TGM1: variants seen among roughly 807,000 people sequenced by gnomAD.
TGM1 encodes protein-glutamine gamma-glutamyltransferase K.
A neutral mutation model predicts 88.7 loss-of-function variants in TGM1; 63 were observed. The ratio of observed to expected loss-of-function variants is 0.71; its 90% CI spans 0.58 to 0.88. The LOEUF (loss-of-function observed/expected upper bound fraction) is 0.88, where lower values mean the gene tolerates loss of function less well. TGM1 is among the 40% of genes least tolerant of loss of function. The probability of loss-of-function intolerance (pLI) is 0.00; values close to 1 mark genes in which losing one functional copy is unlikely to be tolerated. For synonymous variants in TGM1, 415 were observed against 431.1 expected, an observed-to-expected ratio of 0.96 and a Z score of 0.46; for missense variants, 996 against 1,118.0, an observed-to-expected ratio of 0.89 and a Z score of 1.56.
intron 14 of TGM1, 86 bp downstream of exon 14, chr14:24,254,062 CCAGA>C: frequency 6.5e-7 from 1 of 1,536,620 alleles, no homozygotes; most frequent in Non-Finnish European, 8.8e-7. Flanking sequence ...ACATACTTGT[CCAGA>C]CAGAGAGGGA....
Position 24,262,207 on chromosome 14 carries a change from C to T in TGM1, c.146G>A (p.Gly49Asp), listed in dbSNP as rs1169342293. Reference sequence around the variant, plus strand: ...TGCCGCATTTCGGCATGAACAGCAGCCACAGCAGCGAGCCCAGAAGGAACG... The same window carrying T: ...TGCCGCATTTCGGCATGAACAGCAGTCACAGCAGCGAGCCCAGAAGGAACG... Reference protein sequence around the residue: ...GGRSFWARCCGCCSCRNAADD... With the variant: ...GGRSFWARCCDCCSCRNAADD... Residue 49 changes from glycine to aspartate, a missense_variant, in exon 2 of 15, where the codon GGC becomes GAC. Gly to Asp is a moderately conservative substitution (Grantham distance 94). Transcript: ENST00000206765. 5.0e-6 allele frequency: 8 copies of T among 1,613,872 alleles called. No homozygotes were observed. Among genetic ancestry groups the T allele is most frequent in the Middle Eastern group, 3.3e-4 (2 of 6,062 alleles).
In TGM1 at chr14:24,259,763, CCCG is replaced by C; in HGVS notation, c.922_924del (p.Arg308del). Reference sequence around the variant, plus strand: ...TCTCCACGGCCTCCATATGGCATCCCCCGCCGGTCCAGGATGTATAAGCAGGCA... The same window carrying C: ...TCTCCACGGCCTCCATATGGCATCCCCCGGTCCAGGATGTATAAGCAGGCA... On this transcript the variant is annotated inframe_deletion, in exon 6 of 15. Coordinates refer to ENST00000206765, the MANE Select transcript of TGM1 (RefSeq NM_000359.3). This position sits in a 1 kb window ranked among gnomAD's most constrained non-coding sequence, Gnocchi z 5.7. 6.2e-7 allele frequency: 1 copy of C among 1,613,132 alleles called. No homozygotes were observed. The highest frequency in any genetic ancestry group is 1.3e-5 in the African/African-American group (1 of 74,992).
chr14:24,255,453 T>C lies in TGM1; in HGVS notation c.1556A>G (p.Glu519Gly), dbSNP rs897225631. 1.2e-6 allele frequency: 2 copies of C among 1,614,050 alleles called. No homozygotes were observed. Among genetic ancestry groups the C allele is most frequent in the Admixed American group, 1.7e-5 (1 of 60,006 alleles). ...DDGSFKIVYV[E>G]EKAIGTLIVT... ...AATGAGTGTGCCGATGGCCTTCTCC[T>C]CCACATAAACAATCTTGAAGCTGCC... The change falls in exon 11 of 15, where the codon GAG becomes GGG. Residue 519 changes from glutamate to glycine, a missense_variant. Glu to Gly is a moderately conservative substitution (Grantham distance 98). Transcript: ENST00000206765. The surrounding 1 kb of genome is among the most constrained non-coding windows in gnomAD (Gnocchi z 4.0).
In TGM1 at chr14:24,262,192, C is replaced by A. The variant is rs536915231; in HGVS notation, c.161G>T (p.Arg54Leu). 4 of 1,613,776 alleles carry A rather than the reference C, an allele frequency of 2.5e-6. No individual in the cohort carries two copies. In the African/African-American group the frequency reaches 5.3e-5, roughly 21 times the overall value. Reference protein sequence around the residue: ...WARCCGCCSCRNAADDDWGPE... With the variant: ...WARCCGCCSCLNAADDDWGPE... Reference sequence around the variant, plus strand: ...TCCCCAGTCGTCATCTGCCGCATTTCGGCATGAACAGCAGCCACAGCAGCG... The same window carrying A: ...TCCCCAGTCGTCATCTGCCGCATTTAGGCATGAACAGCAGCCACAGCAGCG... The change falls in exon 2 of 15, where the codon CGA becomes CTA. Residue 54 changes from arginine to leucine, a missense_variant. Coordinates refer to ENST00000206765, the MANE Select transcript of TGM1 (RefSeq NM_000359.3).
At chr14:24,262,461 A>G (rs2040822412) in intron 1 of TGM1, 107 bp from the exon 2 acceptor site, 2 of 1,219,490 alleles carry the variant, frequency 1.6e-6, no homozygotes, top group South Asian at 1.3e-5. Flanking sequence ...TGACCGAAAC[A>G]ATCCCACCTT....
intron 14 of TGM1, among the ~76,000 whole-genome samples, chr14:24,253,510 C>T (rs1212685359): frequency 2.0e-5 from 3 of 152,158 alleles, no homozygotes; most frequent in African/African-American, 4.8e-5. Context: ...CGGGGTCTCA[C>T]TCTGTCGCCC....
At chr14:24,261,286 C>G (rs1312799443) in intron 3 of TGM1, among the ~76,000 whole-genome samples, 8 of 151,976 alleles carry the variant, frequency 5.3e-5, no homozygotes, top group Admixed American at 5.2e-4. Flanking sequence ...GTCATGGGGA[C>G]AGAGGGACAG....
At chr14:24,260,396 C>T in intron 4 of TGM1, 54 bp downstream of exon 4, 1 of 1,612,260 alleles carries the variant, frequency 6.2e-7, no homozygotes, top group Non-Finnish European at 8.5e-7. Context: ...GGCAGGAAGC[C>T]CTTCCCTGTC....
intron 14 of TGM1, among the ~76,000 whole-genome samples, chr14:24,253,613 G>C (rs561649877): frequency 1.3e-5 from 2 of 152,042 alleles, no homozygotes; most frequent in South Asian, 4.2e-4. Context: ...CAAGTAGCTG[G>C]GACAACAGGC....
Position 24,255,918 on chromosome 14 carries a change from G to T in TGM1, c.1491+71C>A. The T allele has an allele frequency of 7.7e-7, 1 of 1,295,980 alleles. No individual in the cohort carries two copies. The highest frequency in any genetic ancestry group is 1.1e-6 in the Non-Finnish European group (1 of 914,120). 80.3% of individuals were successfully genotyped at this position (1,295,980 alleles called of 1,614,324 possible). On this transcript the variant is annotated intron_variant, in intron 10 of 14. Transcript: ENST00000206765. This position sits in a 1 kb window ranked among gnomAD's most constrained non-coding sequence, Gnocchi z 4.0. ...TTGCCCCGGGTCGCAGAGCTGGTCA[G>T]TCAGCGGTGAAGTTGGGACCAGAGA...
At chr14:24,258,139 G>A in intron 9 of TGM1, 146 bp downstream of exon 9, 1 of 627,244 alleles carries the variant, frequency 1.6e-6, no homozygotes. Context: ...CATCCACGTG[G>A]TGGTTCAGCT....
At chr14:24,256,110 C>G in intron 9 of TGM1, 33 bp from the exon 10 acceptor site, 1 of 1,531,164 alleles carries the variant, frequency 6.5e-7, no homozygotes, top group Non-Finnish European at 8.9e-7. Context: ...GGCAAGAGAT[C>G]TGAGAAGGCG....
Position 24,255,084 on chromosome 14 carries a change from G to T in TGM1, c.1815C>A (p.Ser605Arg), listed in dbSNP as rs1022267133. Reference sequence around the variant, plus strand: ...GGTGCAGTTTCACTGTGCGGCGGCTGCTGCTGTGATTGATCAGCATCACAG... The same window carrying T: ...GGTGCAGTTTCACTGTGCGGCGGCTTCTGCTGTGATTGATCAGCATCACAG... ...MVSVMLINHS[S>R]SRRTVKLHLY... is the part of the protein sequence containing the mutation. The change falls in exon 12 of 15, where the codon AGC becomes AGA. Residue 605 changes from serine to arginine, a missense_variant. By Grantham distance (110) the Ser-to-Arg change is moderately radical. Transcript: ENST00000206765. The surrounding 1 kb of genome is among the most constrained non-coding windows in gnomAD (Gnocchi z 4.0). 9.3e-6 allele frequency: 15 copies of T among 1,614,070 alleles called. No individual in the cohort carries two copies. Among genetic ancestry groups the T allele is most frequent in the Non-Finnish European group, 1.3e-5 (15 of 1,180,060 alleles).
chr14:24,249,576 AT>A, intron 14 of TGM1, 35 bp from the exon 15 acceptor site: 1 of 1,590,402 alleles, frequency 6.3e-7, no homozygotes, highest in Non-Finnish European at 8.6e-7. Context: ...GCCTGGAGTA[AT>A]TGGGGGTGGA....
rs764787488 is a variant in TGM1 at position 24,254,153 on chromosome 14, C to G, written c.2224G>C (p.Gly742Arg). The G allele has an allele frequency of 1.9e-6, 3 of 1,610,600 alleles. No homozygotes were observed. The highest frequency in any genetic ancestry group is 2.7e-5 in the African/African-American group (2 of 74,966). The change falls in exon 14 of 15, where the codon GGG (glycine) becomes CGG (arginine). Residue 742 changes from glycine to arginine, a missense_variant and splice_region_variant. Physicochemically the swap from Gly to Arg is moderately radical, Grantham distance 125. Coordinates refer to ENST00000206765, the MANE Select transcript of TGM1 (RefSeq NM_000359.3). ...GGTAGGGGGAGAGGCCAGACTCACC[C>G]AACGTTGAGGATCTTGGGCCTCTGT... is the stretch of plus-strand genomic sequence containing the variant. The part of the protein sequence containing the change: ...GLQRPKILNV[G>R]DIGGNETVTL...
intron 9 of TGM1, among the ~76,000 whole-genome samples, chr14:24,258,061 A>G (rs1400268041): frequency 6.6e-6 from 1 of 152,280 alleles, no homozygotes; most frequent in South Asian, 2.1e-4. Flanking sequence ...TATAAATAAA[A>G]TAAACCATTA....
rs778139253 is a variant in TGM1, at chr14:24,260,585, G to T, written c.622C>A (p.Arg208=). Residue 208 remains arginine, a synonymous_variant, in exon 4 of 15, where the codon CGG becomes AGG. Coordinates refer to ENST00000206765, the MANE Select transcript of TGM1 (RefSeq NM_000359.3). ...VKASGQNLNL[R]VHTSPNAIIG... is the part of the protein sequence containing the mutation. ...ATGGCGTTGGGGGAAGTGTGGACCC[G>T]CAGGTTCAGATTCTGCCCACTGGCC... 2 of 1,614,088 alleles carry T rather than the reference G, an allele frequency of 1.2e-6. No homozygotes were observed. Among genetic ancestry groups the T allele is most frequent in the Admixed American group, 3.3e-5 (2 of 60,010 alleles).
At chr14:24,256,967 C>A (rs1436706562) in intron 9 of TGM1, among the ~76,000 whole-genome samples, 3 of 152,168 alleles carry the variant, frequency 2.0e-5, no homozygotes, top group Non-Finnish European at 4.4e-5. Context: ...TCCAAACCAC[C>A]AAAGCCTAAA....
At chr14:24,258,934 A>T in intron 7 of TGM1, 141 bp downstream of exon 7, 1 of 991,688 alleles carries the variant, frequency 1.0e-6, no homozygotes, top group Non-Finnish European at 1.5e-6. Flanking sequence ...AACACTAATT[A>T]ATGATAATTA....
Sources: allele counts gnomAD v4.1 joint callset (sites outside exome capture counted in the v4.1 genomes callset), GRCh38; gene constraint gnomAD v4.1.1; non-coding constraint Gnocchi (gnomAD v3.1); transcripts MANE v1.5; gene names NCBI Gene and HGNC (gene_info 2026-07-23, HGNC 2026-07-21).